Variants in ZFHX3 observed in about 807,000 individuals in gnomAD.
ZFHX3 encodes zinc finger homeobox 3.
In ZFHX3, 42 loss-of-function variants were observed where a neutral mutation model predicts 279.1. The observed-to-expected ratio is 0.15, with a 90% CI of 0.12 to 0.19. ZFHX3 has a LOEUF of 0.19. Among genes scored for constraint, ZFHX3 ranks in the 10% least tolerant of loss-of-function variants. The pLI is 1.00. For missense variants in ZFHX3, 4,981 were observed against 4,754.0 expected (o/e 1.05, Z -1.40); for synonymous variants, 2,293 against 1,957.8 (o/e 1.17, Z -4.52).
chr16:73,414,017 C>T (rs1168135841), intron 3 of ZFHX3, among the ~76,000 whole-genome samples: 4 of 152,232 alleles, frequency 2.6e-5, no homozygotes, highest in Non-Finnish European at 5.9e-5. Context: ...ACAAGTCCTG[C>T]AGTTAAAAAC....
intron 1 of ZFHX3, among the ~76,000 whole-genome samples, chr16:73,695,115 T>C (rs564015554): frequency 3.9e-5 from 6 of 152,246 alleles, no homozygotes; most frequent in Non-Finnish European, 8.8e-5. Context: ...CCACTCCTCC[T>C]ATACCCCGAT....
At chr16:73,220,724 G>A (rs1261163690) in intron 5 of ZFHX3, among the ~76,000 whole-genome samples, 3 of 152,132 alleles carry the variant, frequency 2.0e-5, no homozygotes, top group Admixed American at 6.6e-5. Flanking sequence ...GTAAGGGTCT[G>A]TGGGGCTGTG....
intron 5 of ZFHX3, among the ~76,000 whole-genome samples, chr16:73,191,591 CG>C (rs2144889107): frequency 6.6e-6 from 1 of 152,320 alleles, no homozygotes; most frequent in Non-Finnish European, 1.5e-5. Context: ...AAACCCCTCC[CG>C]TTTGGTCACC....
intron 2 of ZFHX3, among the ~76,000 whole-genome samples, chr16:73,512,814 A>G (rs2019456482): frequency 6.6e-6 from 1 of 152,190 alleles, no homozygotes; most frequent in Non-Finnish European, 1.5e-5. Context: ...TAAATTTATT[A>G]TTTGAGAACA....
intron 2 of ZFHX3, among the ~76,000 whole-genome samples, chr16:73,605,639 CAT>C (rs1410931056): frequency 6.7e-6 from 1 of 149,496 alleles, no homozygotes; most frequent in East Asian, 2.0e-4. Context: ...AATAATCTAA[CAT>C]AGGGGGAGAG....
intron 3 of ZFHX3, among the ~76,000 whole-genome samples, chr16:73,428,024 C>G (rs143996098): frequency 6.7e-4 from 102 of 152,278 alleles, no homozygotes; most frequent in African/African-American, 2.4e-3. Flanking sequence ...CCTTAGAACA[C>G]ACACACATGC....
intron 3 of ZFHX3, among the ~76,000 whole-genome samples, chr16:73,320,773 G>A (rs1011381650): frequency 1.3e-5 from 2 of 152,062 alleles, no homozygotes; most frequent in Non-Finnish European, 2.9e-5. Context: ...CCCCTCACTC[G>A]TTTGGCCCCC....
At chr16:73,830,394 C>G (rs898078597) in intron 1 of ZFHX3, among the ~76,000 whole-genome samples, 1 of 151,926 alleles carries the variant, frequency 6.6e-6, no homozygotes, top group African/African-American at 2.4e-5. Flanking sequence ...AGCTGTAGAC[C>G]GGAGCTGTTC....
At chr16:72,827,238 G>C (rs572322186) in intron 5 of ZFHX3, among the ~76,000 whole-genome samples, 1 of 152,286 alleles carries the variant, frequency 6.6e-6, no homozygotes, top group South Asian at 2.1e-4. Context: ...GACCCAAAGA[G>C]AAACTGCTAC....
At chr16:73,349,218 G>A (rs1370023141) in intron 3 of ZFHX3, among the ~76,000 whole-genome samples, 1 of 152,196 alleles carries the variant, frequency 6.6e-6, no homozygotes, top group African/African-American at 2.4e-5. Flanking sequence ...AGGAGGCCGG[G>A]CAAAGGCTTG....
intron 8 of ZFHX3, among the ~76,000 whole-genome samples, chr16:73,079,261 AC>A (rs1965919397): frequency 6.6e-6 from 1 of 151,850 alleles, no homozygotes; most frequent in Non-Finnish European, 1.5e-5. Context: ...ATAGTGGCTC[AC>A]ACGTGTAATC....
intron 3 of ZFHX3, among the ~76,000 whole-genome samples, chr16:73,430,633 T>A (rs1411600935): frequency 6.6e-6 from 1 of 152,234 alleles, no homozygotes; most frequent in Admixed American, 6.5e-5. Context: ...CTGGCTCTTC[T>A]GCCTGTCATT....
chr16:73,828,120 A>G (rs1960907389), intron 1 of ZFHX3, among the ~76,000 whole-genome samples: 1 of 75,342 alleles, frequency 1.3e-5, no homozygotes, highest in Non-Finnish European at 2.5e-5. Context: ...TAGGATAGTT[A>G]GCTCCTCTTG....
At chr16:73,077,861 A>C (rs1325521153) in intron 8 of ZFHX3, among the ~76,000 whole-genome samples, 1 of 152,146 alleles carries the variant, frequency 6.6e-6, no homozygotes, top group Non-Finnish European at 1.5e-5. Context: ...CTGAAGTGCA[A>C]TGACGTGATT....
At chr16:73,211,056 G>T (rs2011998070) in intron 5 of ZFHX3, among the ~76,000 whole-genome samples, 1 of 152,058 alleles carries the variant, frequency 6.6e-6, no homozygotes, top group African/African-American at 2.4e-5. Context: ...AGAGGATGAG[G>T]CCCATGACCC....
chr16:73,801,072 T>G (rs1423325417), intron 1 of ZFHX3, among the ~76,000 whole-genome samples: 2 of 152,320 alleles, frequency 1.3e-5, no homozygotes, highest in South Asian at 2.1e-4. Flanking sequence ...ACCACTTAGA[T>G]TCTAATAAAA....
chr16:72,928,673 G>A (rs546903153), intron 3 of ZFHX3, among the ~76,000 whole-genome samples: 5 of 152,276 alleles, frequency 3.3e-5, no homozygotes, highest in African/African-American at 9.6e-5. Context: ...TCTGATCCAC[G>A]TAAGATAAAA....
intron 1 of ZFHX3, among the ~76,000 whole-genome samples, chr16:73,782,094 T>C (rs1011680190): frequency 6.6e-6 from 1 of 152,224 alleles, no homozygotes; most frequent in Non-Finnish European, 1.5e-5. Context: ...AGTTCTGATC[T>C]CTACAGAAAG....
At chr16:73,078,814 T>G (rs1297659561) in intron 8 of ZFHX3, among the ~76,000 whole-genome samples, 1 of 151,950 alleles carries the variant, frequency 6.6e-6, no homozygotes, top group Non-Finnish European at 1.5e-5. Context: ...CAGGCAATTT[T>G]TTTGTATTTT....
Sources: gnomAD v4.1 joint callset for allele counts (sites outside exome capture counted in the v4.1 genomes callset) on GRCh38, gnomAD v4.1.1 for gene constraint, MANE v1.5 for transcripts, NCBI Gene and HGNC (gene_info 2026-07-23, HGNC 2026-07-21) for gene names.